Variants in CHCHD3 observed in about 807,000 individuals in gnomAD.
CHCHD3 encodes the protein coiled-coil-helix-coiled-coil-helix domain containing 3, also known as MICOS complex subunit MIC19.
CHCHD3 carries 20 observed loss-of-function variants against 38.2 expected under a neutral mutation model. The observed-to-expected ratio is 0.52, with a 90% CI of 0.37 to 0.76. The LOEUF is 0.76. CHCHD3 is among the 30% of genes least tolerant of loss of function. CHCHD3 has a pLI of 0.00. For synonymous variants in CHCHD3, 82 were observed against 100.0 expected, an observed-to-expected ratio of 0.82 and a Z score of 1.07; for missense variants, 245 against 279.2, an observed-to-expected ratio of 0.88 and a Z score of 0.87.
chr7:133,056,503 G>A (rs1477978721), intron 2 of CHCHD3, among the ~76,000 whole-genome samples: 1 of 152,124 alleles, frequency 6.6e-6, no homozygotes, highest in Non-Finnish European at 1.5e-5. Context: ...CCTATGCAGA[G>A]TTAGTCGGCA....
At chr7:132,966,406 C>G (rs945501259) in intron 4 of CHCHD3, among the ~76,000 whole-genome samples, 7 of 152,150 alleles carry the variant, frequency 4.6e-5, no homozygotes, top group African/African-American at 1.7e-4. Flanking sequence ...TCAAGAAACA[C>G]AGAAAAAGCA....
Position 132,911,806 on chromosome 7 carries a change from T to G in CHCHD3, c.370-26061A>C, listed in dbSNP as rs1250760805. ...AAAGCAAGTCAAATGTATAAAACTT[T>G]GCTATCCAGTAGAACCCCCTTGGTA... On this transcript the variant is annotated intron_variant, in intron 4 of 7. Coordinates refer to ENST00000262570, the MANE Select transcript of CHCHD3 (RefSeq NM_017812.4). 1.0e-3 allele frequency among the ~76,000 whole-genome samples: 152 copies of G among 152,242 alleles called. 2 individuals are homozygous for G. Among genetic ancestry groups the G allele is most frequent in the Non-Finnish European group, 1.2e-4 (8 of 68,050 alleles).
intron 5 of CHCHD3, among the ~76,000 whole-genome samples, chr7:132,855,212 T>A (rs967182667): frequency 1.3e-5 from 2 of 152,222 alleles, no homozygotes; most frequent in Non-Finnish European, 2.9e-5. Context: ...CAGTAGATGG[T>A]ACCCTACAGA....
intron 5 of CHCHD3, among the ~76,000 whole-genome samples, chr7:132,863,525 C>T (rs577781775): frequency 2.4e-4 from 37 of 152,204 alleles, no homozygotes; most frequent in Non-Finnish European, 4.6e-4. Flanking sequence ...TAAGTGGGCA[C>T]TGGCTTCAAC....
At chr7:133,019,724 A>G (rs1239323383) in intron 3 of CHCHD3, among the ~76,000 whole-genome samples, 1 of 152,164 alleles carries the variant, frequency 6.6e-6, no homozygotes, top group African/African-American at 2.4e-5. Flanking sequence ...TTGAAAAAAA[A>G]ATGTTATTAT....
At chr7:132,973,422 G>C in intron 4 of CHCHD3, 1 of 985,446 alleles carries the variant, frequency 1.0e-6, no homozygotes, top group Non-Finnish European at 1.2e-6. Context: ...AAATCCTTCA[G>C]CTTAGACGTA....
chr7:132,984,262 G>A (rs1024280744), intron 3 of CHCHD3, among the ~76,000 whole-genome samples: 3 of 151,734 alleles, frequency 2.0e-5, no homozygotes, highest in African/African-American at 4.8e-5. Flanking sequence ...ACGGGGTTTC[G>A]CTGTGTTGGC....
chr7:133,033,833 C>T (rs1328887282), intron 2 of CHCHD3, among the ~76,000 whole-genome samples: 1 of 152,124 alleles, frequency 6.6e-6, no homozygotes, highest in Non-Finnish European at 1.5e-5. Flanking sequence ...CTCTGCTAAT[C>T]ATCACATTGT....
intron 7 of CHCHD3, among the ~76,000 whole-genome samples, chr7:132,793,888 T>C (rs573869519): frequency 6.6e-6 from 1 of 152,316 alleles, no homozygotes; most frequent in African/African-American, 2.4e-5. Context: ...ACTGCTAAAA[T>C]AGGCAGTCGG....
intron 4 of CHCHD3, among the ~76,000 whole-genome samples, chr7:132,966,177 G>T (rs554952932): frequency 6.6e-6 from 1 of 152,318 alleles, no homozygotes; most frequent in South Asian, 2.1e-4. Flanking sequence ...CTGCAGGTTT[G>T]TAAACAGATT....
chr7:132,963,044 A>G (rs1811358288), intron 4 of CHCHD3, among the ~76,000 whole-genome samples: 1 of 151,730 alleles, frequency 6.6e-6, no homozygotes, highest in Non-Finnish European at 1.5e-5. Flanking sequence ...TTTGACAACT[A>G]TACTTGATTA....
intron 4 of CHCHD3, among the ~76,000 whole-genome samples, chr7:132,913,500 C>T (rs928567395): frequency 6.6e-6 from 1 of 152,188 alleles, no homozygotes; most frequent in Non-Finnish European, 1.5e-5. Context: ...ATGCACAAAG[C>T]CCTAAAGGTG....
At chr7:132,967,606 C>T (rs923717203) in intron 4 of CHCHD3, among the ~76,000 whole-genome samples, 2 of 150,806 alleles carry the variant, frequency 1.3e-5, no homozygotes, top group Admixed American at 6.6e-5. Context: ...GCCTGGGCAA[C>T]GTGGCAAAAT....
At chr7:133,074,635 C>T (rs1468356896) in intron 1 of CHCHD3, among the ~76,000 whole-genome samples, 1 of 152,094 alleles carries the variant, frequency 6.6e-6, no homozygotes, top group East Asian at 1.9e-4. Flanking sequence ...TAATAACACA[C>T]CCCTTCAATC....
intron 5 of CHCHD3, among the ~76,000 whole-genome samples, chr7:132,851,569 G>A (rs1341059981): frequency 1.3e-5 from 2 of 152,146 alleles, no homozygotes; most frequent in Non-Finnish European, 2.9e-5. Flanking sequence ...TGACATGGTT[G>A]TATGTCTCAT....
chr7:132,844,495 A>G (rs956655800), intron 5 of CHCHD3, among the ~76,000 whole-genome samples: 1 of 152,234 alleles, frequency 6.6e-6, no homozygotes, highest in East Asian at 1.9e-4. Flanking sequence ...TAAACAGCAG[A>G]AAAAATACTT....
intron 4 of CHCHD3, among the ~76,000 whole-genome samples, chr7:132,887,528 G>A (rs527942747): frequency 2.0e-5 from 3 of 150,388 alleles, no homozygotes; most frequent in African/African-American, 7.3e-5. Flanking sequence ...ACAAAAACAG[G>A]AAAAGAAATC....
At chr7:132,874,290 T>G (rs1435202242) in intron 5 of CHCHD3, among the ~76,000 whole-genome samples, 3 of 152,238 alleles carry the variant, frequency 2.0e-5, no homozygotes, top group Non-Finnish European at 1.5e-5. Context: ...GCAGAGCATG[T>G]GATTACTGAC....
At chr7:132,920,109 G>A (rs1810223441) in intron 4 of CHCHD3, among the ~76,000 whole-genome samples, 1 of 152,180 alleles carries the variant, frequency 6.6e-6, no homozygotes, top group Non-Finnish European at 1.5e-5. Flanking sequence ...GAGCAGGGCT[G>A]TATAAATGAA....
Sources: allele counts gnomAD v4.1 joint callset (sites outside exome capture counted in the v4.1 genomes callset), GRCh38; gene constraint gnomAD v4.1.1; transcripts MANE v1.5; gene names NCBI Gene and HGNC (gene_info 2026-07-23, HGNC 2026-07-21).